The following CTNNA3 variants were observed in gnomAD, a reference collection of about 807,000 sequenced individuals.
CTNNA3 encodes catenin alpha-3.
A neutral mutation model predicts 95.7 loss-of-function variants in CTNNA3; 76 were observed. The ratio of observed to expected loss-of-function variants is 0.79; its 90% CI spans 0.66 to 0.96. The LOEUF is 0.96. Among genes scored for constraint, CTNNA3 ranks in the 40% least tolerant of loss-of-function variants. The probability of loss-of-function intolerance (pLI) is 0.00; values close to 1 mark genes in which losing one functional copy is unlikely to be tolerated. For synonymous variants in CTNNA3, 431 were observed against 374.4 expected, an observed-to-expected ratio of 1.15 and a Z score of -1.74; for missense variants, 1,191 against 1,089.8, an observed-to-expected ratio of 1.09 and a Z score of -1.31.
At chr10:66,567,791 C>T (rs1842758345) in intron 10 of CTNNA3, among the ~76,000 whole-genome samples, 1 of 152,188 alleles carries the variant, frequency 6.6e-6, no homozygotes, top group African/African-American at 2.4e-5. Flanking sequence ...CTTTACCCTC[C>T]TCATCTCTGA....
chr10:67,354,472 T>C (rs908496270), intron 5 of CTNNA3, among the ~76,000 whole-genome samples: 2 of 152,056 alleles, frequency 1.3e-5, no homozygotes, highest in South Asian at 2.1e-4. Flanking sequence ...TTTACATTTT[T>C]TATTTTTTAA....
At chr10:67,497,359 T>C (rs1244996569) in intron 5 of CTNNA3, among the ~76,000 whole-genome samples, 3 of 152,194 alleles carry the variant, frequency 2.0e-5, no homozygotes, top group Admixed American at 2.0e-4. Flanking sequence ...TAATTACCAG[T>C]CTTTGCTATT....
intron 5 of CTNNA3, among the ~76,000 whole-genome samples, chr10:67,271,527 A>G (rs1838975842): frequency 1.3e-5 from 2 of 152,126 alleles, no homozygotes; most frequent in African/African-American, 2.4e-5. Context: ...ACCCAGTCCC[A>G]GGTATTTCTT....
Position 67,482,226 on chromosome 10 carries a change from A to G in CTNNA3, c.579+39616T>C, listed in dbSNP as rs1848262319. Reference sequence around the variant, plus strand: ...CTTTTGGCTTAGGATTGACTTGGCGATGCGGCCTCTTTTTTGGTTCCATAT... The same window carrying G: ...CTTTTGGCTTAGGATTGACTTGGCGGTGCGGCCTCTTTTTTGGTTCCATAT... On this transcript the variant is annotated intron_variant, in intron 5 of 17. Coordinates refer to ENST00000433211, the MANE Select transcript of CTNNA3 (RefSeq NM_013266.4). Among the ~76,000 whole-genome samples, 8 of 151,632 alleles carry G rather than the reference A, an allele frequency of 5.3e-5. No individual in the cohort carries two copies. The South Asian group carries it at 1.7e-3, about 32-fold the overall frequency.
intron 1 of CTNNA3, among the ~76,000 whole-genome samples, chr10:67,657,596 A>G (rs1840060576): frequency 6.6e-6 from 1 of 152,150 alleles, no homozygotes; most frequent in South Asian, 2.1e-4. Flanking sequence ...CTGTAATTCC[A>G]GCACTTTGAG....
chr10:67,499,334 C>T (rs1428228699), intron 5 of CTNNA3, among the ~76,000 whole-genome samples: 1 of 152,118 alleles, frequency 6.6e-6, no homozygotes, highest in Non-Finnish European at 1.5e-5. Context: ...ATTCGGTTTG[C>T]CAGTCTTTTA....
chr10:66,157,695 T>C (rs1411319955), intron 13 of CTNNA3, among the ~76,000 whole-genome samples: 1 of 152,046 alleles, frequency 6.6e-6, no homozygotes, highest in Non-Finnish European at 1.5e-5. Context: ...AGTAGTGAGA[T>C]TACTAGATCA....
intron 10 of CTNNA3, among the ~76,000 whole-genome samples, chr10:66,603,828 G>T (rs1161274260): frequency 6.6e-6 from 1 of 152,126 alleles, no homozygotes; most frequent in Non-Finnish European, 1.5e-5. Context: ...ATACATCAGG[G>T]AAAGACAGTC....
At chr10:66,296,887 T>G (rs1260094269) in intron 12 of CTNNA3, among the ~76,000 whole-genome samples, 2 of 152,144 alleles carry the variant, frequency 1.3e-5, no homozygotes, top group African/African-American at 2.4e-5. Flanking sequence ...TATTAAAAGA[T>G]GGATGTGCTA....
At chr10:66,658,517 G>A (rs567872296) in intron 9 of CTNNA3, among the ~76,000 whole-genome samples, 4 of 152,220 alleles carry the variant, frequency 2.6e-5, no homozygotes, top group African/African-American at 9.6e-5. Context: ...AAGAGAGGAG[G>A]TCAATGTTCT....
intron 9 of CTNNA3, among the ~76,000 whole-genome samples, chr10:66,699,245 T>G (rs1847863753): frequency 6.6e-6 from 1 of 152,170 alleles, no homozygotes; most frequent in African/African-American, 2.4e-5. Context: ...GAAAAGGGAT[T>G]GTTGGATCAT....
chr10:66,043,466 T>C (rs1015454651), intron 15 of CTNNA3, among the ~76,000 whole-genome samples: 5 of 152,186 alleles, frequency 3.3e-5, no homozygotes, highest in East Asian at 1.9e-4. Flanking sequence ...TCCAGAGCAA[T>C]TGCAATTCAG....
chr10:67,604,913 C>T (rs550691717), intron 3 of CTNNA3, among the ~76,000 whole-genome samples: 1 of 152,018 alleles, frequency 6.6e-6, no homozygotes, highest in Non-Finnish European at 1.5e-5. Context: ...CTGAAGAATA[C>T]CTATAAAATA....
intron 12 of CTNNA3, among the ~76,000 whole-genome samples, chr10:66,335,202 G>A (rs1202198877): frequency 6.6e-6 from 1 of 151,950 alleles, no homozygotes; most frequent in Non-Finnish European, 1.5e-5. Flanking sequence ...AGAGTAGTTT[G>A]ATTGTCTGAA....
chr10:67,632,191 T>C (rs1284807067), intron 2 of CTNNA3, among the ~76,000 whole-genome samples: 1 of 150,782 alleles, frequency 6.6e-6, no homozygotes, highest in East Asian at 2.0e-4. Context: ...TAGAGATGGA[T>C]GTGTTAATTC....
At chr10:67,707,981 T>C (rs1589577361) in intron 1 of CTNNA3, among the ~76,000 whole-genome samples, 1 of 152,194 alleles carries the variant, frequency 6.6e-6, no homozygotes, top group South Asian at 2.1e-4. Context: ...TCTCCCTACC[T>C]GTATTTCACT....
At chr10:67,680,823 T>C (rs1459429200) in intron 1 of CTNNA3, among the ~76,000 whole-genome samples, 1 of 152,152 alleles carries the variant, frequency 6.6e-6, no homozygotes, top group Non-Finnish European at 1.5e-5. Context: ...GTTGAAGAAA[T>C]AAATCCAAAA....
intron 7 of CTNNA3, among the ~76,000 whole-genome samples, chr10:66,849,846 G>A (rs1044675448): frequency 9.9e-5 from 15 of 152,220 alleles, no homozygotes; most frequent in African/African-American, 3.6e-4. Flanking sequence ...TACAGCCCTA[G>A]GAAACTAATA....
At chr10:67,344,228 A>G (rs1842330248) in intron 5 of CTNNA3, among the ~76,000 whole-genome samples, 1 of 151,810 alleles carries the variant, frequency 6.6e-6, no homozygotes, top group African/African-American at 2.4e-5. Context: ...TAATTGTTGA[A>G]TTTGGTTTGC....
Sources: allele counts gnomAD v4.1 joint callset (sites outside exome capture counted in the v4.1 genomes callset), GRCh38; gene constraint gnomAD v4.1.1; transcripts MANE v1.5; gene names NCBI Gene and HGNC (gene_info 2026-07-23, HGNC 2026-07-21).